Variants in SKAP1 observed in about 807,000 individuals in gnomAD.
SKAP1 encodes the protein src kinase associated phosphoprotein 1, also known as src kinase-associated phosphoprotein 1.
A neutral mutation model predicts 58.5 loss-of-function variants in SKAP1; 44 were observed. The ratio of observed to expected loss-of-function variants is 0.75; its 90% confidence interval spans 0.59 to 0.97. SKAP1 has a LOEUF of 0.97. Among genes scored for constraint, SKAP1 ranks in the 50% least tolerant of loss-of-function variants. The pLI is 0.00. For missense variants in SKAP1, 390 were observed against 435.2 expected (o/e 0.90, Z 0.92); for synonymous variants, 127 against 149.7 (o/e 0.85, Z 1.11).
intron 4 of SKAP1, among the ~76,000 whole-genome samples, chr17:48,238,671 T>C (rs1273048810): frequency 6.6e-6 from 1 of 152,078 alleles, no homozygotes; most frequent in African/African-American, 2.4e-5. Flanking sequence ...CCGCGCCCAG[T>C]TGAGATAGGT....
chr17:48,297,889 G>T (rs1173996853), intron 4 of SKAP1, among the ~76,000 whole-genome samples: 1 of 152,206 alleles, frequency 6.6e-6, no homozygotes, highest in African/African-American at 2.4e-5. Context: ...AAACCACTCT[G>T]ATAGGTATAA....
At chr17:48,319,710 T>C (rs1423627455) in intron 4 of SKAP1, among the ~76,000 whole-genome samples, 1 of 152,042 alleles carries the variant, frequency 6.6e-6, no homozygotes, top group Non-Finnish European at 1.5e-5. Context: ...GGTGTAGTGG[T>C]ATGGGCCTGT....
At chr17:48,300,121 C>T (rs1288842028) in intron 4 of SKAP1, among the ~76,000 whole-genome samples, 1 of 152,146 alleles carries the variant, frequency 6.6e-6, no homozygotes, top group Non-Finnish European at 1.5e-5. Flanking sequence ...TTTCTGGCTT[C>T]ACTAGTTCAG....
At chr17:48,359,613 G>C (rs1254121883) in intron 3 of SKAP1, among the ~76,000 whole-genome samples, 9 of 151,734 alleles carry the variant, frequency 5.9e-5, no homozygotes, top group Non-Finnish European at 1.3e-4. Flanking sequence ...TTATTTCTTT[G>C]TTTGTGTGTT....
intron 1 of SKAP1, among the ~76,000 whole-genome samples, chr17:48,421,337 G>A (rs923424517): frequency 8.7e-6 from 1 of 115,242 alleles, no homozygotes; most frequent in African/African-American, 3.4e-5. Context: ...ATTTTGCTCT[G>A]TCACCCAGGC....
intron 4 of SKAP1, among the ~76,000 whole-genome samples, chr17:48,295,971 A>G (rs977292833): frequency 6.6e-6 from 1 of 152,134 alleles, no homozygotes; most frequent in Non-Finnish European, 1.5e-5. Context: ...GCAAATCTGT[A>G]TATAGAAAAA....
intron 4 of SKAP1, among the ~76,000 whole-genome samples, chr17:48,210,276 T>C (rs1381003203): frequency 6.6e-6 from 1 of 152,180 alleles, no homozygotes; most frequent in East Asian, 1.9e-4. Context: ...CACATCGGAA[T>C]CACCTGTCTA....
At chr17:48,388,599 T>C (rs2067307435) in intron 2 of SKAP1, among the ~76,000 whole-genome samples, 1 of 152,220 alleles carries the variant, frequency 6.6e-6, no homozygotes, top group African/African-American at 2.4e-5. Flanking sequence ...ATCCATATTA[T>C]TTTTTATACA....
At chr17:48,340,311 A>G (rs1029473915) in intron 4 of SKAP1, among the ~76,000 whole-genome samples, 1 of 152,240 alleles carries the variant, frequency 6.6e-6, no homozygotes, top group Non-Finnish European at 1.5e-5. Context: ...TTTTTAATCA[A>G]TTAGAGCTCT....
chr17:48,195,298 G>A (rs1348436136), intron 4 of SKAP1, among the ~76,000 whole-genome samples: 1 of 152,146 alleles, frequency 6.6e-6, no homozygotes, highest in Non-Finnish European at 1.5e-5. Flanking sequence ...GGCAGGAAGT[G>A]TCATCTTCCG....
chr17:48,186,615 C>T (rs994926689), intron 6 of SKAP1, among the ~76,000 whole-genome samples: 1 of 152,050 alleles, frequency 6.6e-6, no homozygotes, highest in East Asian at 1.9e-4. Flanking sequence ...CCTACAGGCA[C>T]ATGCCACCAT....
At chr17:48,239,729 GTGACATTAACACATA>G (rs1230820878) in intron 4 of SKAP1, among the ~76,000 whole-genome samples, 1 of 151,966 alleles carries the variant, frequency 6.6e-6, no homozygotes, top group Non-Finnish European at 1.5e-5. Context: ...CTACTCACTG[GTGACATTAACACATA>G]TGACATTACA....
intron 4 of SKAP1, among the ~76,000 whole-genome samples, chr17:48,271,362 C>CTT (rs35447830): frequency 0.011 from 1,189 of 106,226 alleles, 3 homozygotes; most frequent in Middle Eastern, 0.019. Flanking sequence ...TTCTTTGTTT[C>CTT]TTTTTTTTTT....
intron 11 of SKAP1, among the ~76,000 whole-genome samples, chr17:48,157,198 C>T (rs751869635): frequency 2.0e-5 from 3 of 151,364 alleles, no homozygotes; most frequent in Non-Finnish European, 4.4e-5. Flanking sequence ...TCCCTGAGAA[C>T]AGGACAGGTG....
chr17:48,421,414 C>T (rs1052872734), intron 1 of SKAP1, among the ~76,000 whole-genome samples: 35 of 151,800 alleles, frequency 2.3e-4, no homozygotes, highest in Non-Finnish European at 5.0e-4. Flanking sequence ...AGTGATTCTC[C>T]CGCCTCAGCC....
chr17:48,431,710 A>G (rs1479334803), upstream of SKAP1, among the ~76,000 whole-genome samples: 1 of 152,200 alleles, frequency 6.6e-6, no homozygotes, highest in Non-Finnish European at 1.5e-5. Flanking sequence ...CCTTCTTTGT[A>G]AAAAATGGCA....
At chr17:48,230,012 G>A (rs1427598162) in intron 4 of SKAP1, among the ~76,000 whole-genome samples, 3 of 152,172 alleles carry the variant, frequency 2.0e-5, no homozygotes, top group African/African-American at 7.2e-5. Context: ...GACAGTCTCT[G>A]TTAGAAGGGC....
At chr17:48,335,639 T>C (rs2066557739) in intron 4 of SKAP1, among the ~76,000 whole-genome samples, 1 of 152,054 alleles carries the variant, frequency 6.6e-6, no homozygotes, top group African/African-American at 2.4e-5. Context: ...ATTAATATGT[T>C]GTAGGAGACA....
At chr17:48,227,834 A>G (rs1259180901) in intron 4 of SKAP1, among the ~76,000 whole-genome samples, 3 of 152,182 alleles carry the variant, frequency 2.0e-5, no homozygotes, top group African/African-American at 7.2e-5. Context: ...GAACTGATCA[A>G]TTTCTCTGTG....
Sources: allele counts gnomAD v4.1 joint callset (sites outside exome capture counted in the v4.1 genomes callset), GRCh38; gene constraint gnomAD v4.1.1; transcripts MANE v1.5; gene names NCBI Gene and HGNC (gene_info 2026-07-23, HGNC 2026-07-21).